TRAPPC13: variants seen among roughly 807,000 people sequenced by gnomAD.
TRAPPC13 encodes REV7-interacting novel NHEJ regulator 1.
A neutral mutation model predicts 54.0 loss-of-function variants in TRAPPC13; 39 were observed. The observed-to-expected ratio is 0.72, with a 90% CI of 0.56 to 0.94. TRAPPC13 has a LOEUF of 0.94. Ranked by LOEUF, TRAPPC13 falls within the 40% of genes least tolerant of loss-of-function variation. The probability of loss-of-function intolerance (pLI) is 0.00; values close to 1 mark genes in which losing one functional copy is unlikely to be tolerated. For synonymous variants in TRAPPC13, 148 were observed against 167.7 expected, an observed-to-expected ratio of 0.88 and a Z score of 0.91; for missense variants, 386 against 488.1, an observed-to-expected ratio of 0.79 and a Z score of 1.97.
At chr5:65,635,919 A>G in intron 2 of TRAPPC13, 25 bp from the exon 3 acceptor site, 1 of 1,469,346 alleles carries the variant, frequency 6.8e-7, no homozygotes, top group Non-Finnish European at 9.3e-7. Context: ...AGATGTTAGA[A>G]TTTTATGTTT....
At chr5:65,654,965 C>T (rs889373355) in intron 7 of TRAPPC13, among the ~76,000 whole-genome samples, 1 of 152,148 alleles carries the variant, frequency 6.6e-6, no homozygotes, top group African/African-American at 2.4e-5. Context: ...TAACCCAAAT[C>T]GTGAAGTAAC....
At chr5:65,642,168 C>T (rs1374001377) in intron 4 of TRAPPC13, among the ~76,000 whole-genome samples, 2 of 151,974 alleles carry the variant, frequency 1.3e-5, no homozygotes, top group Admixed American at 1.3e-4. Context: ...ACTAAAAATA[C>T]AAAAATTAGC....
In TRAPPC13 at chr5:65,664,855, A is replaced by G. The variant is rs1212245183; in HGVS notation, c.*244A>G. On this transcript the variant is annotated 3_prime_UTR_variant, in exon 13 of 13. Transcript: ENST00000399438. ...TAATTTCATTTCATTTTAGATGACC[A>G]TTGGACTTTGTTCTCCAAAAGCTGT... 20 of 473,532 alleles carry G rather than the reference A, an allele frequency of 4.2e-5. No individual in the cohort carries two copies. Among genetic ancestry groups the G allele is most frequent in the Non-Finnish European group, 6.7e-5 (18 of 268,698 alleles). 29.3% of individuals were successfully genotyped at this position (473,532 alleles called of 1,614,324 possible).
rs369701366 is a variant in TRAPPC13, at chr5:65,639,784, G to A, written c.300+2004G>A. ...ACAGTTAGAAGACCTTTGAAGTAGT[G>A]TAGAAATTAAAAGATAGAATATGCT... On this transcript the variant is annotated intron_variant, in intron 4 of 12. Coordinates refer to ENST00000399438, the MANE Select transcript of TRAPPC13 (RefSeq NM_024941.4). Among the ~76,000 whole-genome samples the A allele has an allele frequency of 6.6e-5, 10 of 152,328 alleles. No individual in the cohort carries two copies. In the South Asian group the frequency reaches 1.2e-3, roughly 19 times the overall value.
rs554619134 is a variant in TRAPPC13, at chr5:65,627,114, A to G, written c.46+2008A>G. On this transcript the variant is annotated intron_variant, in intron 1 of 12. Coordinates refer to ENST00000399438, the MANE Select transcript of TRAPPC13 (RefSeq NM_024941.4). ...GCCACTGCACTCCAGCCTGGGTGAC[A>G]GAGTGAGACCCTGTCTCAAAAAAAA... Among the ~76,000 whole-genome samples, 389 of 124,600 alleles carry G rather than the reference A, an allele frequency of 3.1e-3. 1 individual carries two copies. The highest frequency in any genetic ancestry group is 0.011 in the African/African-American group (357 of 33,398). The allele number at this position is 124,600 out of a possible 152,430, so 81.7% of individuals were successfully genotyped here. A position where few individuals can be genotyped will look rare whatever the true frequency, so the allele number is the denominator to read the frequency against.
At chr5:65,627,131 C>CAAAAAAAAAAAAAAAAAA (rs60169195) in intron 1 of TRAPPC13, among the ~76,000 whole-genome samples, 29 of 32,574 alleles carry the variant, frequency 8.9e-4, no homozygotes, top group Non-Finnish European at 1.5e-3. Flanking sequence ...GACCCTGTCT[C>CAAAAAAAAAAAAAAAAAA]AAAAAAAAAA....
At chr5:65,642,438 AT>A (rs1756005740) in intron 4 of TRAPPC13, among the ~76,000 whole-genome samples, 1 of 152,166 alleles carries the variant, frequency 6.6e-6, no homozygotes, top group African/African-American at 2.4e-5. Context: ...TTCAAAAAAA[AT>A]CCAAGACTTA....
intron 4 of TRAPPC13, among the ~76,000 whole-genome samples, chr5:65,638,251 GTAT>G (rs1241112746): frequency 3.3e-5 from 5 of 152,070 alleles, no homozygotes; most frequent in Non-Finnish European, 4.4e-5. Context: ...CAGTTATAAA[GTAT>G]TATGTTAGGC....
At chr5:65,628,422 A>C (rs1208232313) in intron 1 of TRAPPC13, among the ~76,000 whole-genome samples, 2 of 152,152 alleles carry the variant, frequency 1.3e-5, no homozygotes, top group Non-Finnish European at 2.9e-5. Flanking sequence ...GAAATCATCA[A>C]ATATTCTATC....
chr5:65,656,609 T>C (rs1756661120), intron 8 of TRAPPC13, among the ~76,000 whole-genome samples: 1 of 152,194 alleles, frequency 6.6e-6, no homozygotes, highest in Non-Finnish European at 1.5e-5. Context: ...TTCTTGGTGT[T>C]AGTGTTTAAA....
chr5:65,629,482 T>G, intron 1 of TRAPPC13: 1 of 1,430,202 alleles, frequency 7.0e-7, no homozygotes, highest in Non-Finnish European at 9.1e-7. Flanking sequence ...TGTTTCCCTC[T>G]GATTTGGCAA....
intron 4 of TRAPPC13, among the ~76,000 whole-genome samples, chr5:65,642,552 T>G (rs1756009664): frequency 6.6e-6 from 1 of 152,340 alleles, no homozygotes; most frequent in Middle Eastern, 3.4e-3. Flanking sequence ...CTACCATTTT[T>G]TAGCTAGGAA....
chr5:65,657,358 G>C (rs1241189657), intron 8 of TRAPPC13, among the ~76,000 whole-genome samples: 1 of 152,038 alleles, frequency 6.6e-6, no homozygotes, highest in Non-Finnish European at 1.5e-5. Context: ...CTCCAGCCTG[G>C]GTGACAGAAT....
chr5:65,655,278 T>C lies in TRAPPC13; in HGVS notation c.547-358T>C, dbSNP rs541571707. On this transcript the variant is annotated intron_variant, in intron 7 of 12. Coordinates refer to ENST00000399438, the MANE Select transcript of TRAPPC13 (RefSeq NM_024941.4). ...TATTCTGAATGTGGAGGATAGTATA[T>C]ATTCATCCTAAATTATCTATGAAGA... 7.2e-5 allele frequency among the ~76,000 whole-genome samples: 11 copies of C among 152,318 alleles called. No homozygotes were observed. The South Asian group carries it at 2.3e-3, about 32-fold the overall frequency.
chr5:65,639,988 T>C (rs1755903395), intron 4 of TRAPPC13, among the ~76,000 whole-genome samples: 1 of 152,192 alleles, frequency 6.6e-6, no homozygotes, highest in African/African-American at 2.4e-5. Flanking sequence ...CATAGAGTTT[T>C]AAAGTTAACA....
At chr5:65,626,561 C>T (rs1032380582) in intron 1 of TRAPPC13, among the ~76,000 whole-genome samples, 1 of 152,080 alleles carries the variant, frequency 6.6e-6, no homozygotes, top group Non-Finnish European at 1.5e-5. Context: ...CATAGTGAAA[C>T]CCCGTCTCTA....
chr5:65,663,313 T>C (rs1218791942), intron 11 of TRAPPC13: 1 of 152,084 alleles, frequency 6.6e-6, no homozygotes, highest in African/African-American at 2.4e-5. Context: ...ATAAATGTCA[T>C]TCCCTGCCCC....
At chr5:65,656,919 A>G (rs364167) in intron 8 of TRAPPC13, among the ~76,000 whole-genome samples, 90,214 of 150,998 alleles carry the variant, frequency 0.6, 27,226 homozygotes, top group South Asian at 0.64. Context: ...ATAAATAAAA[A>G]TACAAAAATT....
At chr5:65,646,847 T>G (rs534328743) in intron 4 of TRAPPC13, among the ~76,000 whole-genome samples, 57 of 152,212 alleles carry the variant, frequency 3.7e-4, no homozygotes, top group African/African-American at 1.2e-3. Context: ...TCTTATTTAT[T>G]TATTTTTTTG....
Sources: allele counts gnomAD v4.1 joint callset (sites outside exome capture counted in the v4.1 genomes callset), GRCh38; gene constraint gnomAD v4.1.1; transcripts MANE v1.5; gene names NCBI Gene and HGNC (gene_info 2026-07-23, HGNC 2026-07-21).